Variants in FBP2 observed in about 807,000 individuals in gnomAD.
FBP2 encodes the protein fructose-bisphosphatase 2, also known as fructose-1,6-bisphosphatase isozyme 2.
A neutral mutation model predicts 31.6 loss-of-function variants in FBP2; 27 were observed. That is an observed-to-expected ratio of 0.85 (90% CI 0.63 to 1.18). The LOEUF (loss-of-function observed/expected upper bound fraction) is 1.18, where lower values mean the gene tolerates loss of function less well. FBP2 is among the 50% of genes most tolerant of loss of function. The pLI is 0.00. For synonymous variants in FBP2, 168 were observed against 179.8 expected, an observed-to-expected ratio of 0.93 and a Z score of 0.53; for missense variants, 421 against 436.1, an observed-to-expected ratio of 0.97 and a Z score of 0.31.
At chr9:94,583,213 A>T (rs1458094195) in intron 3 of FBP2, among the ~76,000 whole-genome samples, 1 of 152,150 alleles carries the variant, frequency 6.6e-6, no homozygotes, top group Non-Finnish European at 1.5e-5. Flanking sequence ...CCCAAATATA[A>T]TTGACAGTGG....
intron 3 of FBP2, among the ~76,000 whole-genome samples, chr9:94,578,258 C>A (rs558571084): frequency 2.0e-5 from 3 of 152,256 alleles, no homozygotes; most frequent in Admixed American, 6.5e-5. Context: ...CAACTGAATC[C>A]TCTGAGCTAT....
At chr9:94,559,261 C>T in intron 6 of FBP2, 129 bp from the exon 7 acceptor site, 4 of 744,996 alleles carry the variant, frequency 5.4e-6, no homozygotes, top group South Asian at 3.8e-5. Flanking sequence ...CACCATGCAC[C>T]TTGCAAGAGT....
In FBP2 at chr9:94,587,567, G is replaced by T. The variant is rs1197823249; in HGVS notation, c.171-98C>A. ...AACGCCAGCAGTGCAGTCCCCTCTC[G>T]TTCTGTGTCTCTGGAGTCTCCAAGT... On this transcript the variant is annotated intron_variant, in intron 1 of 6. Transcript: ENST00000375337. 4.8e-6 allele frequency: 5 copies of T among 1,039,516 alleles called. No individual in the cohort carries two copies. The South Asian group carries it at 5.4e-5, about 11-fold the overall frequency. The allele number at this position is 1,039,516 out of a possible 1,614,324, so 64.4% of individuals were successfully genotyped here.
chr9:94,559,949 A>AC (rs763387931), intron 6 of FBP2, among the ~76,000 whole-genome samples: 52 of 152,144 alleles, frequency 3.4e-4, no homozygotes, highest in Non-Finnish European at 6.5e-4. Context: ...AGATAGTGAG[A>AC]CCCCATCTCT....
intron 3 of FBP2, among the ~76,000 whole-genome samples, chr9:94,579,050 CAAAA>C (rs55778806): frequency 3.3e-5 from 1 of 30,594 alleles, no homozygotes; most frequent in Non-Finnish European, 5.1e-5. Flanking sequence ...GAGACTCTGT[CAAAA>C]AAAAAAAAAA....
chr9:94,572,368 A>G (rs1827278678), intron 3 of FBP2, among the ~76,000 whole-genome samples: 1 of 152,182 alleles, frequency 6.6e-6, no homozygotes, highest in African/African-American at 2.4e-5. Flanking sequence ...GGATAGATTC[A>G]TAGATTAGTG....
chr9:94,589,319 C>T (rs767033594), intron 1 of FBP2, among the ~76,000 whole-genome samples: 1 of 152,180 alleles, frequency 6.6e-6, no homozygotes, highest in Non-Finnish European at 1.5e-5. Flanking sequence ...CAGCAGTGCT[C>T]TCTGCCCGGC....
At chr9:94,590,487 T>C (rs1242709303) in intron 1 of FBP2, among the ~76,000 whole-genome samples, 4 of 152,228 alleles carry the variant, frequency 2.6e-5, no homozygotes, top group Non-Finnish European at 5.9e-5. Context: ...TGGTAGGTTC[T>C]TGGTCTCACT....
At chr9:94,565,307 G>A (rs1273105430) in intron 5 of FBP2, among the ~76,000 whole-genome samples, 3 of 147,644 alleles carry the variant, frequency 2.0e-5, no homozygotes, top group South Asian at 2.1e-4. Context: ...CCAGGGAGGC[G>A]GAGGTTGCAG....
chr9:94,588,300 C>T (rs1212049173), intron 1 of FBP2, among the ~76,000 whole-genome samples: 1 of 152,094 alleles, frequency 6.6e-6, no homozygotes, highest in East Asian at 1.9e-4. Context: ...ACTGCCATCC[C>T]AAGCAGTATA....
chr9:94,575,320 C>T (rs113561918), intron 3 of FBP2, among the ~76,000 whole-genome samples: 19 of 152,286 alleles, frequency 1.2e-4, no homozygotes, highest in African/African-American at 4.6e-4. Context: ...AACCTCTATT[C>T]TCACCTTTAT....
chr9:94,575,993 C>T (rs1827310947), intron 3 of FBP2, among the ~76,000 whole-genome samples: 1 of 152,208 alleles, frequency 6.6e-6, no homozygotes, highest in South Asian at 2.1e-4. Context: ...ACTCCCTGCA[C>T]ATTTAGCTAA....
intron 3 of FBP2, among the ~76,000 whole-genome samples, chr9:94,579,125 A>G (rs1025321354): frequency 6.8e-5 from 10 of 146,230 alleles, no homozygotes; most frequent in Non-Finnish European, 1.3e-4. Flanking sequence ...TTGGCCAGGC[A>G]CGGTGGCTTA....
chr9:94,579,050 C>CAAAAAAA (rs55778806), intron 3 of FBP2, among the ~76,000 whole-genome samples: 1,086 of 30,476 alleles, frequency 0.036, 176 homozygotes, highest in Non-Finnish European at 0.042. Context: ...GAGACTCTGT[C>CAAAAAAA]AAAAAAAAAA....
At chr9:94,566,761 A>G (rs645125) in intron 5 of FBP2, among the ~76,000 whole-genome samples, 73,594 of 152,090 alleles carry the variant, frequency 0.48, 18,443 homozygotes, top group East Asian at 0.61. Flanking sequence ...ATCTCAGTTC[A>G]TTACAGATGG....
chr9:94,560,774 T>G (rs1246098565), intron 6 of FBP2, among the ~76,000 whole-genome samples: 1 of 148,336 alleles, frequency 6.7e-6, no homozygotes, highest in Non-Finnish European at 1.5e-5. Context: ...TGTTATTATA[T>G]ATTTTTTCTA....
At chr9:94,559,246 G>T in intron 6 of FBP2, 114 bp from the exon 7 acceptor site, 1 of 852,194 alleles carries the variant, frequency 1.2e-6, no homozygotes, top group Non-Finnish European at 1.8e-6. Flanking sequence ...TGGCTAGCAT[G>T]AGCGCACCAT....
At chr9:94,560,854 G>A (rs543815377) in intron 6 of FBP2, among the ~76,000 whole-genome samples, 2 of 151,470 alleles carry the variant, frequency 1.3e-5, no homozygotes, top group South Asian at 2.1e-4. Context: ...CCAGGCATTC[G>A]AGAGAAAGTA....
At chr9:94,572,729 TAC>T (rs1286596182) in intron 3 of FBP2, among the ~76,000 whole-genome samples, 2 of 152,064 alleles carry the variant, frequency 1.3e-5, no homozygotes, top group Non-Finnish European at 2.9e-5. Flanking sequence ...CACATGAGTT[TAC>T]ACACACACAT....
Sources: gnomAD v4.1 joint callset for allele counts (sites outside exome capture counted in the v4.1 genomes callset) on GRCh38, gnomAD v4.1.1 for gene constraint, MANE v1.5 for transcripts, NCBI Gene and HGNC (gene_info 2026-07-23, HGNC 2026-07-21) for gene names.